Variants in DDX6 observed in about 807,000 individuals in gnomAD.
DDX6 encodes DEAD-box helicase 6.
A neutral mutation model predicts 60.6 loss-of-function variants in DDX6; 7 were observed. The observed-to-expected ratio is 0.12, with a 90% CI of 0.07 to 0.22. The LOEUF (loss-of-function observed/expected upper bound fraction) is 0.22. Among genes scored for constraint, DDX6 ranks in the 10% least tolerant of loss-of-function variants. The pLI is 1.00. For missense variants in DDX6, 270 were observed against 589.9 expected, an observed-to-expected ratio of 0.46 and a Z score of 5.62; for synonymous variants, 207 against 201.0, an observed-to-expected ratio of 1.03 and a Z score of -0.25.
Position 118,779,751 on chromosome 11 carries a change from AG to A in DDX6, c.265-16del, listed in dbSNP as rs1555164287. On this transcript the variant is annotated splice_polypyrimidine_tract_variant and intron_variant, in intron 3 of 13. Transcript: ENST00000534980. ...GAGGTCACATCCTAGTCAAACAAAA[AG>A]GAACAATAAAAGAATAAATAACACT... 1 of 1,549,622 alleles carries A rather than the reference AG, an allele frequency of 6.5e-7. No individual in the cohort carries two copies. The highest frequency in any genetic ancestry group is 1.4e-5 in the African/African-American group (1 of 73,486).
At chr11:118,758,645 A>G (rs1861060108) in intron 9 of DDX6, 129 bp downstream of exon 9, 1 of 1,119,316 alleles carries the variant, frequency 8.9e-7, no homozygotes, top group Non-Finnish European at 1.2e-6. Context: ...GCTGGGAGGC[A>G]TGAGCCACCG....
At chr11:118,767,564 A>AAT (rs1408720898) in intron 5 of DDX6, 1 of 151,830 alleles carries the variant, frequency 6.6e-6, no homozygotes, top group African/African-American at 2.4e-5. Context: ...TGCCACAAGA[A>AAT]ATAGTTCCAT....
chr11:118,790,925 T>C (rs986913826), intron 1 of DDX6, 173 bp downstream of exon 1: 3 of 152,758 alleles, frequency 2.0e-5, no homozygotes, highest in African/African-American at 4.8e-5. Flanking sequence ...CGGTCCTTTA[T>C]TGTTGACTCG....
At chr11:118,775,627 T>A (rs1242071102) in intron 4 of DDX6, among the ~76,000 whole-genome samples, 1 of 152,222 alleles carries the variant, frequency 6.6e-6, no homozygotes, top group Admixed American at 6.5e-5. Flanking sequence ...CAAAATACTT[T>A]GGTTGTACAC....
At chr11:118,754,287 C>T (rs1555158183) in intron 13 of DDX6, among the ~76,000 whole-genome samples, 1 of 152,154 alleles carries the variant, frequency 6.6e-6, no homozygotes, top group Non-Finnish European at 1.5e-5. Context: ...AAACATTAGG[C>T]AGGCGTGGTG....
At chr11:118,780,935 G>C (rs1248086549) in intron 3 of DDX6, among the ~76,000 whole-genome samples, 186 bp downstream of exon 3, 1 of 152,150 alleles carries the variant, frequency 6.6e-6, no homozygotes, top group Non-Finnish European at 1.5e-5. Flanking sequence ...ACTAACTGCT[G>C]AGCATTTGTT....
intron 2 of DDX6, among the ~76,000 whole-genome samples, chr11:118,783,726 G>A (rs1350246209): frequency 6.7e-6 from 1 of 148,192 alleles, no homozygotes; most frequent in Non-Finnish European, 1.5e-5. Flanking sequence ...GGCTTGAACT[G>A]AACCCAGGAG....
At chr11:118,768,594 A>C (rs375965486) in intron 4 of DDX6, among the ~76,000 whole-genome samples, 1 of 152,224 alleles carries the variant, frequency 6.6e-6, no homozygotes, top group Non-Finnish European at 1.5e-5. Flanking sequence ...ACCCAATGTC[A>C]TAAGAACTGT....
chr11:118,786,632 C>T (rs1862083717), intron 1 of DDX6, 114 bp from the exon 2 acceptor site: 1 of 183,728 alleles, frequency 5.4e-6, no homozygotes, highest in Non-Finnish European at 1.1e-5. Flanking sequence ...ATTAATAATA[C>T]AGCTACACTT....
Position 118,750,671 on chromosome 11 carries a change from A to G in DDX6, c.*1434T>C, listed in dbSNP as rs1375278733. The G allele has an allele frequency of 6.6e-6, 1 of 152,220 alleles. No homozygotes were observed. The highest frequency in any genetic ancestry group is 1.5e-5 in the Non-Finnish European group (1 of 68,042). The allele number at this position is 152,220 out of a possible 1,614,324, so 9.4% of individuals were successfully genotyped here. A position where few individuals can be genotyped will look rare whatever the true frequency, so the allele number is the denominator to read the frequency against. On this transcript the variant is annotated 3_prime_UTR_variant, in exon 14 of 14. Coordinates refer to ENST00000534980, the MANE Select transcript of DDX6 (RefSeq NM_004397.6). ...CTGCTCAATGACACTGCCACTCAAT[A>G]GAATTCCTACACTGCAAGGTAGATT... is the stretch of plus-strand genomic sequence containing the variant.
Position 118,748,354 on chromosome 11 carries a change from G to A in DDX6, c.*3751C>T, listed in dbSNP as rs1468316710. ...AAAGATGAGTTTTTAGATCAGAAAG[G>A]AGAGCAGATTTTCTTTGGGAGTTTT... On this transcript the variant is annotated 3_prime_UTR_variant, in exon 14 of 14. Transcript: ENST00000534980. 6.6e-6 allele frequency: 1 copy of A among 152,090 alleles called. No homozygotes were observed. Among genetic ancestry groups the A allele is most frequent in the African/African-American group, 2.4e-5 (1 of 41,406 alleles). 9.4% of individuals were successfully genotyped at this position (152,090 alleles called of 1,614,324 possible).
At chr11:118,776,077 G>C (rs1861690351) in intron 4 of DDX6, among the ~76,000 whole-genome samples, 1 of 152,178 alleles carries the variant, frequency 6.6e-6, no homozygotes, top group South Asian at 2.1e-4. Flanking sequence ...CCAGGAGTTT[G>C]AGGCTGCAGT....
At chr11:118,761,311 G>A (rs1472430793) in intron 7 of DDX6, among the ~76,000 whole-genome samples, 3 of 151,770 alleles carry the variant, frequency 2.0e-5, no homozygotes, top group East Asian at 1.9e-4. Context: ...CTACTTTACC[G>A]GGATTTAGAA....
chr11:118,763,198 T>C lies in DDX6; in HGVS notation c.741+14A>G. 1 of 1,564,616 alleles carries C rather than the reference T, an allele frequency of 6.4e-7. No homozygotes were observed. Among genetic ancestry groups the C allele is most frequent in the Non-Finnish European group, 8.7e-7 (1 of 1,152,778 alleles). On this transcript the variant is annotated intron_variant, in intron 7 of 13. Transcript: ENST00000534980. Reference sequence around the variant, plus strand: ...AAGTACAGAACAGTATAATGCCAAATGAAGAGACATTACCTCATCCAATAC... The same window carrying C: ...AAGTACAGAACAGTATAATGCCAAACGAAGAGACATTACCTCATCCAATAC...
At chr11:118,761,766 G>A (rs182188481) in intron 7 of DDX6, among the ~76,000 whole-genome samples, 13 of 150,198 alleles carry the variant, frequency 8.7e-5, no homozygotes, top group Admixed American at 2.0e-4. Context: ...AGTATAAAAC[G>A]TATTTTATAA....
intron 5 of DDX6, 104 bp from the exon 6 acceptor site, chr11:118,765,459 C>A: frequency 8.2e-7 from 1 of 1,222,732 alleles, no homozygotes; most frequent in Non-Finnish European, 1.2e-6. Context: ...AATACTGCGC[C>A]TTATGATGCA....
In DDX6 at chr11:118,751,961, TAA is replaced by T. The variant is rs545932110; in HGVS notation, c.*142_*143del. The T allele has an allele frequency of 1.3e-5, 5 of 396,278 alleles. No homozygotes were observed. Among genetic ancestry groups the T allele is most frequent in the Admixed American group, 3.3e-5 (1 of 30,234 alleles). 24.5% of individuals were successfully genotyped at this position (396,278 alleles called of 1,614,324 possible). ...TTTCAGCCTTTTTCTCTTCACCAGT[TAA>T]AAAAAGAAAATGTCTGAGCTCTTTT... On this transcript the variant is annotated 3_prime_UTR_variant, in exon 14 of 14. Coordinates refer to ENST00000534980, the MANE Select transcript of DDX6 (RefSeq NM_004397.6).
At chr11:118,784,094 A>AG (rs1394771946) in intron 2 of DDX6, among the ~76,000 whole-genome samples, 18 of 151,246 alleles carry the variant, frequency 1.2e-4, no homozygotes, top group Admixed American at 1.1e-3. Flanking sequence ...TCTCAAAAAA[A>AG]AAAAAAAAAG....
intron 4 of DDX6, 100 bp downstream of exon 4, chr11:118,779,532 G>T: frequency 1.4e-6 from 1 of 723,162 alleles, no homozygotes; most frequent in Non-Finnish European, 2.3e-6. Flanking sequence ...ATACGTGAGA[G>T]AGAAATGTTA....
Sources: allele counts gnomAD v4.1 joint callset (sites outside exome capture counted in the v4.1 genomes callset), GRCh38; gene constraint gnomAD v4.1.1; transcripts MANE v1.5; gene names NCBI Gene and HGNC (gene_info 2026-07-23, HGNC 2026-07-21).